Variants in RGPD4 observed in about 807,000 individuals in gnomAD.
RGPD4 encodes the protein ranBP2-like and GRIP domain-containing protein 4.
Under a neutral mutation model 141.1 loss-of-function variants are expected in RGPD4, and 84 were observed. The observed-to-expected ratio is 0.60, with a 90% confidence interval of 0.50 to 0.71. The LOEUF (loss-of-function observed/expected upper bound fraction) is 0.71, where lower values mean the gene tolerates loss of function less well. RGPD4 is among the 30% of genes least tolerant of loss of function. The probability of loss-of-function intolerance (pLI) is 0.00; values close to 1 mark genes in which losing one functional copy is unlikely to be tolerated. For synonymous variants in RGPD4, 298 were observed against 566.8 expected (o/e 0.53, Z 6.74); for missense variants, 918 against 1,622.4 (o/e 0.57, Z 7.46).
intron 1 of RGPD4, 54 bp downstream of exon 1, chr2:107,827,139 C>A: frequency 3.5e-6 from 2 of 569,580 alleles, no homozygotes; most frequent in Non-Finnish European, 4.7e-6. Context: ...CGGCGGAGGC[C>A]TCGACCTGGC....
intron 9 of RGPD4, among the ~76,000 whole-genome samples, chr2:107,858,394 T>C (rs1444596553): frequency 6.6e-6 from 1 of 151,816 alleles, no homozygotes; most frequent in African/African-American, 2.4e-5. Context: ...CAGAAGCACA[T>C]AACCTTTTCT....
intron 20 of RGPD4, among the ~76,000 whole-genome samples, chr2:107,877,909 C>T (rs2912703): frequency 0.012 from 1,738 of 142,814 alleles, 12 homozygotes; most frequent in Non-Finnish European, 0.018. Flanking sequence ...CGCCTCCTGG[C>T]TTCCAGCAAT....
At chr2:107,830,881 T>A (rs1681459884) in intron 1 of RGPD4, among the ~76,000 whole-genome samples, 1 of 152,114 alleles carries the variant, frequency 6.6e-6, no homozygotes, top group Non-Finnish European at 1.5e-5. Flanking sequence ...TTTGTTAGTC[T>A]TCTCTTGTTT....
At position 107,882,755 on chromosome 2, in the gene RGPD4, C is replaced by T. The variant is rs1675403369; in HGVS notation, c.5148C>T (p.Val1716=). The change falls in exon 22 of 23, where the codon GTC becomes GTT. Residue 1716 remains valine, a synonymous_variant. Transcript: ENST00000408999. ...CTAACGTGGAACACTTGAAGAACGT[C>T]TTGCTGCAGTTCATTTTCTTGAAGC... ...SAANVEHLKN[V]LLQFIFLKPG... 7.4e-6 allele frequency: 12 copies of T among 1,611,452 alleles called. No individual in the cohort carries two copies. Among genetic ancestry groups the T allele is most frequent in the Admixed American group, 1.7e-5 (1 of 59,974 alleles).
Position 107,872,104 on chromosome 2 carries a change from A to G in RGPD4, c.4100A>G (p.Tyr1367Cys), listed in dbSNP as rs747032469. 3.7e-6 allele frequency: 6 copies of G among 1,611,402 alleles called. No homozygotes were observed. Among genetic ancestry groups the G allele is most frequent in the South Asian group, 2.2e-5 (2 of 90,982 alleles). Residue 1367 changes from tyrosine (Y) to cysteine (C), a missense_variant, in exon 20 of 23, where the codon TAT (tyrosine) becomes TGT (cysteine). By Grantham distance (194) the Tyr-to-Cys change is radical. Transcript: ENST00000408999. ...VFSHRAELYR[Y>C]DKDVGQWKER... is the part of the protein sequence containing the mutation. Reference sequence around the variant, plus strand: ...AGTCACAGGGCAGAACTCTACAGATATGATAAAGATGTTGGTCAATGGAAA... The same window carrying G: ...AGTCACAGGGCAGAACTCTACAGATGTGATAAAGATGTTGGTCAATGGAAA...
chr2:107,858,397 C>CCTTTTCTTTTCTTTTCTTTTTTCTTTT (rs1682404313), intron 9 of RGPD4, among the ~76,000 whole-genome samples: 1 of 140,746 alleles, frequency 7.1e-6, no homozygotes, highest in African/African-American at 2.7e-5. Flanking sequence ...AAGCACATAA[C>CCTTTTCTTTTCTTTTCTTTTTTCTTTT]CTTTTCTTTT....
Position 107,882,739 on chromosome 2 carries a change from A to G in RGPD4, c.5132A>G (p.Glu1711Gly). 6.2e-7 allele frequency: 1 copy of G among 1,611,666 alleles called. No individual in the cohort carries two copies. Among genetic ancestry groups the G allele is most frequent in the African/African-American group, 1.3e-5 (1 of 74,636 alleles). Reference sequence around the variant, plus strand: ...CAAGAGGAGTCTGCAGCTAACGTGGAACACTTGAAGAACGTCTTGCTGCAG... The same window carrying G: ...CAAGAGGAGTCTGCAGCTAACGTGGGACACTTGAAGAACGTCTTGCTGCAG... The part of the protein sequence containing the change: ...QEQEESAANV[E>G]HLKNVLLQFI... Residue 1711 changes from glutamate to glycine, a missense_variant, in exon 22 of 23, where the codon GAA becomes GGA. By Grantham distance (98) the Glu-to-Gly change is moderately conservative. Transcript: ENST00000408999.
At position 107,871,039 on chromosome 2, in the gene RGPD4, C is replaced by T; in HGVS notation, c.3035C>T (p.Ala1012Val). Residue 1012 changes from alanine to valine, a missense_variant, in exon 20 of 23, where the codon GCC becomes GTC. Coordinates refer to ENST00000408999, the MANE Select transcript of RGPD4 (RefSeq NM_182588.3). Reference sequence around the variant, plus strand: ...TTCTCATCACAATGCGGTAAAATGGCCAATAAAGCAAACACTTCCGGTGAC... The same window carrying T: ...TTCTCATCACAATGCGGTAAAATGGTCAATAAAGCAAACACTTCCGGTGAC... ...KLFSSQCGKM[A>V]NKANTSGDFE... 1 of 1,610,934 alleles carries T rather than the reference C, an allele frequency of 6.2e-7. No individual in the cohort carries two copies. The highest frequency in any genetic ancestry group is 8.5e-7 in the Non-Finnish European group (1 of 1,179,774).
Position 107,872,132 on chromosome 2 carries a change from AAG to A in RGPD4, c.4129_4130del (p.Arg1377GlyfsTer4). On this transcript the variant is annotated frameshift_variant, in exon 20 of 23. Transcript: ENST00000408999. LOFTEE classifies it high-confidence loss of function. ...YDKDVGQWKE[R>X]GIGDIKILQN... is the part of the protein sequence containing the mutation. ...ATAAAGATGTTGGTCAATGGAAAGA[AAG>A]GGGCATTGGTGATATAAAGATTTTA... The A allele has an allele frequency of 1.2e-6, 2 of 1,611,592 alleles. No individual in the cohort carries two copies. Among genetic ancestry groups the A allele is most frequent in the Non-Finnish European group, 8.5e-7 (1 of 1,179,860 alleles).
chr2:107,889,254 T>C (rs1022572364), intron 22 of RGPD4, among the ~76,000 whole-genome samples: 2 of 102,190 alleles, frequency 2.0e-5, no homozygotes, highest in African/African-American at 9.6e-5. Context: ...AACCAGTGAA[T>C]TATGCACTTT....
In RGPD4 at chr2:107,890,803, G is replaced by T. The variant is rs1247296464; in HGVS notation, c.*72G>T. 1.9e-6 allele frequency: 3 copies of T among 1,586,442 alleles called. No homozygotes were observed. The highest frequency in any genetic ancestry group is 1.7e-6 in the Non-Finnish European group (2 of 1,166,298). On this transcript the variant is annotated 3_prime_UTR_variant, in exon 23 of 23. Coordinates refer to ENST00000408999, the MANE Select transcript of RGPD4 (RefSeq NM_182588.3). The stretch of plus-strand genomic sequence containing the variant: ...TTGGACTTCGATAGGTTGATGGAAG[G>T]AATATTTTTATTAACCAAATAAAAT...
At chr2:107,880,179 C>T in intron 21 of RGPD4, 72 bp downstream of exon 21, 1 of 1,597,760 alleles carries the variant, frequency 6.3e-7, no homozygotes. Flanking sequence ...CACATGTACC[C>T]AAGTTTAAAA....
chr2:107,878,192 T>G (rs555705990), intron 20 of RGPD4, among the ~76,000 whole-genome samples: 1 of 151,504 alleles, frequency 6.6e-6, no homozygotes, highest in Non-Finnish European at 1.5e-5. Context: ...ATTCCTCTAC[T>G]CTTATCATTT....
chr2:107,844,102 C>T (rs1681831605), intron 6 of RGPD4, among the ~76,000 whole-genome samples: 1 of 149,004 alleles, frequency 6.7e-6, no homozygotes, highest in African/African-American at 2.4e-5. Context: ...CATCAGATGG[C>T]TAGGTTCACA....
intron 1 of RGPD4, among the ~76,000 whole-genome samples, chr2:107,830,045 G>T (rs1204055875): frequency 1.3e-5 from 2 of 151,988 alleles, no homozygotes; most frequent in Non-Finnish European, 2.9e-5. Context: ...CAAATGACAC[G>T]GAAAGTCCCC....
At chr2:107,858,268 G>A (rs1355919973) in intron 9 of RGPD4, among the ~76,000 whole-genome samples, 1 of 142,138 alleles carries the variant, frequency 7.0e-6, no homozygotes, top group Admixed American at 7.2e-5. Context: ...GTGTCTTCAT[G>A]GCAAGTTATT....
rs536686567 is a variant in RGPD4 at position 107,881,362 on chromosome 2, G to A, written c.5064+1255G>A. 2.6e-4 allele frequency among the ~76,000 whole-genome samples: 40 copies of A among 151,378 alleles called. No homozygotes were observed. In the East Asian group the frequency reaches 7.3e-3, roughly 28 times the overall value. Reference sequence around the variant, plus strand: ...TGAGATAGTCTCGCTCTGTCACTAGGTTTGGAGTGCAGTGGTGCAATCTCA... The same window carrying A: ...TGAGATAGTCTCGCTCTGTCACTAGATTTGGAGTGCAGTGGTGCAATCTCA... On this transcript the variant is annotated intron_variant, in intron 21 of 22. Coordinates refer to ENST00000408999, the MANE Select transcript of RGPD4 (RefSeq NM_182588.3).
rs1675639654 is a variant in RGPD4, at chr2:107,890,863, A to T, written c.*132A>T. ...AAAATGGTTCATGTGTATTACCATCATTCTTTTGTCAAAAAGTGTGTATAT... is the reference window on the plus strand; with the variant it reads ...AAAATGGTTCATGTGTATTACCATCTTTCTTTTGTCAAAAAGTGTGTATAT... On this transcript the variant is annotated 3_prime_UTR_variant, in exon 23 of 23. Transcript: ENST00000408999. 5.8e-6 allele frequency: 6 copies of T among 1,031,386 alleles called. No individual in the cohort carries two copies. Among genetic ancestry groups the T allele is most frequent in the Non-Finnish European group, 8.7e-6 (6 of 692,490 alleles). 63.9% of individuals were successfully genotyped at this position (1,031,386 alleles called of 1,614,324 possible). A position where few individuals can be genotyped will look rare whatever the true frequency, so the allele number is the denominator to read the frequency against.
At chr2:107,845,764 C>A (rs1173709101) in intron 6 of RGPD4, among the ~76,000 whole-genome samples, 1 of 152,076 alleles carries the variant, frequency 6.6e-6, no homozygotes, top group African/African-American at 2.4e-5. Flanking sequence ...CGGAGTGTCA[C>A]CTTGTTAGCC....
Sources: allele counts gnomAD v4.1 joint callset (sites outside exome capture counted in the v4.1 genomes callset), GRCh38; gene constraint gnomAD v4.1.1; transcripts MANE v1.5; gene names NCBI Gene and HGNC (gene_info 2026-07-23, HGNC 2026-07-21).